The following RNF187 variants were observed in gnomAD, a reference collection of about 807,000 sequenced individuals.
RNF187 encodes the protein ring finger protein 187.
RNF187 carries 18 observed loss-of-function variants against 22.2 expected under a neutral mutation model. The ratio of observed to expected loss-of-function variants is 0.81; its 90% confidence interval spans 0.56 to 1.20. The LOEUF is 1.20. Ranked by LOEUF, RNF187 falls within the 50% of genes most tolerant of loss-of-function variation. RNF187 has a pLI of 0.00. For missense variants in RNF187, 329 were observed against 317.6 expected, an observed-to-expected ratio of 1.04 and a Z score of -0.27; for synonymous variants, 164 against 140.9, an observed-to-expected ratio of 1.16 and a Z score of -1.16.
intron 2 of RNF187, among the ~76,000 whole-genome samples, chr1:228,489,746 T>C: frequency 7.1e-6 from 1 of 140,212 alleles, no homozygotes; most frequent in Non-Finnish European, 1.5e-5. Flanking sequence ...TGTCCTCACA[T>C]GGTGGAAGAA....
At chr1:228,488,063 C>T in intron 1 of RNF187, among the ~76,000 whole-genome samples, 185 bp downstream of exon 1, 1 of 151,034 alleles carries the variant, frequency 6.6e-6, no homozygotes, top group South Asian at 2.1e-4. Context: ...GTGCTGGGCC[C>T]CTCCCTCCTG....
chr1:228,491,452 T>A, intron 2 of RNF187, among the ~76,000 whole-genome samples: 1 of 151,854 alleles, frequency 6.6e-6, no homozygotes, highest in Non-Finnish European at 1.5e-5. Context: ...TAGGATTTTT[T>A]TTTTTTGAGA....
At chr1:228,490,585 G>A in intron 2 of RNF187, among the ~76,000 whole-genome samples, 2 of 152,184 alleles carry the variant, frequency 1.3e-5, no homozygotes, top group Admixed American at 6.5e-5. Flanking sequence ...AGTTTGCAGC[G>A]TGTTGCATCA....
In RNF187 at chr1:228,494,974, G is replaced by A; in HGVS notation, c.*1089G>A. The A allele has an allele frequency of 1.3e-5, 13 of 985,440 alleles. No homozygotes were observed. Among genetic ancestry groups the A allele is most frequent in the Non-Finnish European group, 1.3e-5 (11 of 830,052 alleles). The allele number at this position is 985,440 out of a possible 1,614,324, so 61.0% of individuals were successfully genotyped here. A position where few individuals can be genotyped will look rare whatever the true frequency, so the allele number is the denominator to read the frequency against. The stretch of plus-strand genomic sequence containing the variant: ...GAATAAAGTGGGTTTGTGTCAGCTC[G>A]TTTGCTTCGTCTCCGTGTGTCCACC... On this transcript the variant is annotated 3_prime_UTR_variant, in exon 4 of 4. Transcript: ENST00000305943.
chr1:228,487,550 A>G lies in RNF187; in HGVS notation c.62A>G (p.Glu21Gly). 8.1e-7 allele frequency: 1 copy of G among 1,234,484 alleles called. No individual in the cohort carries two copies. The highest frequency in any genetic ancestry group is 1.0e-6 in the Non-Finnish European group (1 of 978,966). The allele number at this position is 1,234,484 out of a possible 1,614,324, so 76.5% of individuals were successfully genotyped here. A position where few individuals can be genotyped will look rare whatever the true frequency, so the allele number is the denominator to read the frequency against. The change falls in exon 1 of 4, where the codon GAA becomes GGA. Residue 21 changes from glutamate to glycine, a missense_variant. By Grantham distance (98) the Glu-to-Gly change is moderately conservative. Coordinates refer to ENST00000305943, the MANE Select transcript of RNF187 (RefSeq NM_001010858.3). Reference sequence around the variant, plus strand: ...GCCCTGTGCCAGCGCGCGCCCCGGGAACCGGTGCGCGCCGACTGCGGCCAC... The same window carrying G: ...GCCCTGTGCCAGCGCGCGCCCCGGGGACCGGTGCGCGCCGACTGCGGCCAC...
At chr1:228,488,406 C>G in intron 1 of RNF187, 1 of 155,736 alleles carries the variant, frequency 6.4e-6, no homozygotes, top group Non-Finnish European at 1.4e-5. Flanking sequence ...CACCCCCTGT[C>G]CCCTCTCCCA....
intron 2 of RNF187, among the ~76,000 whole-genome samples, chr1:228,491,647 C>T: frequency 2.6e-4 from 40 of 152,128 alleles, no homozygotes; most frequent in African/African-American, 9.6e-4. Context: ...ACCATGTTGG[C>T]CAGGCTGGTC....
In RNF187 at chr1:228,487,585, C is replaced by T. The variant is rs1658864059; in HGVS notation, c.97C>T (p.Arg33Trp). ...CGCCGACTGCGGCCACCGCTTCTGT[C>T]GGGCGTGCGTGGTGCGCTTCTGGGC... Residue 33 changes from arginine (R) to tryptophan (W), a missense_variant, in exon 1 of 4, where the codon CGG becomes TGG. Arg to Trp is a moderately radical substitution (Grantham distance 101, BLOSUM62 -3). Transcript: ENST00000305943. The T allele has an allele frequency of 1.6e-6, 2 of 1,268,398 alleles. No homozygotes were observed. The highest frequency in any genetic ancestry group is 1.0e-6 in the Non-Finnish European group (1 of 993,206). 78.6% of individuals were successfully genotyped at this position (1,268,398 alleles called of 1,614,324 possible).
chr1:228,494,974 G>T lies in RNF187; in HGVS notation c.*1089G>T. 1 of 985,558 alleles carries T rather than the reference G, an allele frequency of 1.0e-6. No individual in the cohort carries two copies. The highest frequency in any genetic ancestry group is 1.2e-6 in the Non-Finnish European group (1 of 830,044). 61.1% of individuals were successfully genotyped at this position (985,558 alleles called of 1,614,324 possible). On this transcript the variant is annotated 3_prime_UTR_variant, in exon 4 of 4. Transcript: ENST00000305943. ...GAATAAAGTGGGTTTGTGTCAGCTC[G>T]TTTGCTTCGTCTCCGTGTGTCCACC...
Position 228,496,012 on chromosome 1 carries a change from C to T in RNF187, c.*2127C>T. Among the ~76,000 whole-genome samples, 7 of 152,190 alleles carry T rather than the reference C, an allele frequency of 4.6e-5. No homozygotes were observed. The highest frequency in any genetic ancestry group is 6.5e-5 in the Admixed American group (1 of 15,282). On this transcript the variant is annotated 3_prime_UTR_variant, in exon 4 of 4. Coordinates refer to ENST00000305943, the MANE Select transcript of RNF187 (RefSeq NM_001010858.3). ...ACAGTCAGATACAGAGGGCCAACTG[C>T]GTACAGTACACGGTTATCAGCTGAA...
Position 228,494,436 on chromosome 1 carries a change from G to A in RNF187, c.*551G>A. 13 of 993,020 alleles carry A rather than the reference G, an allele frequency of 1.3e-5. No individual in the cohort carries two copies. Among genetic ancestry groups the A allele is most frequent in the South Asian group, 4.5e-5 (1 of 22,024 alleles). The allele number at this position is 993,020 out of a possible 1,614,324, so 61.5% of individuals were successfully genotyped here. A position where few individuals can be genotyped will look rare whatever the true frequency, so the allele number is the denominator to read the frequency against. On this transcript the variant is annotated 3_prime_UTR_variant, in exon 4 of 4. Transcript: ENST00000305943. ...AGGCGGCCCCCCTCTTGAGGTGGGC[G>A]TGGGCCCGGCCCAGCCTTATCCAAG...
intron 2 of RNF187, among the ~76,000 whole-genome samples, chr1:228,491,414 G>T: frequency 1.2e-3 from 160 of 129,192 alleles, no homozygotes; most frequent in African/African-American, 2.9e-3. Context: ...AAAAAATAAA[G>T]GGAGATGGGT....
Position 228,492,869 on chromosome 1 carries a change from C to T in RNF187, c.484-184C>T. 9.2e-5 allele frequency among the ~76,000 whole-genome samples: 14 copies of T among 151,514 alleles called. No homozygotes were observed. The South Asian group carries it at 2.3e-3, about 25-fold the overall frequency. On this transcript the variant is annotated intron_variant, in intron 2 of 3. Transcript: ENST00000305943. ...TGAACTCCTGACCTCATGATCCGCC[C>T]GCCTTGGCCTCCTGGAGTGCTGGGA...
At chr1:228,492,695 G>C in intron 2 of RNF187, among the ~76,000 whole-genome samples, 3 of 132,276 alleles carry the variant, frequency 2.3e-5, no homozygotes, top group African/African-American at 8.6e-5. Context: ...GCATGAACTC[G>C]GGCTCACTGC....
Position 228,494,537 on chromosome 1 carries a change from T to A in RNF187, c.*652T>A. The A allele has an allele frequency of 3.0e-6, 3 of 985,508 alleles. No homozygotes were observed. Among genetic ancestry groups the A allele is most frequent in the Non-Finnish European group, 3.6e-6 (3 of 830,334 alleles). The allele number at this position is 985,508 out of a possible 1,614,324, so 61.0% of individuals were successfully genotyped here. ...CCAGGAGCCCTCCCTGTGCTCCACC[T>A]GCCTCCGCAGAAGGAAGCCTCTTTC... is the stretch of plus-strand genomic sequence containing the variant. On this transcript the variant is annotated 3_prime_UTR_variant, in exon 4 of 4. Transcript: ENST00000305943.
In RNF187 at chr1:228,493,947, G is replaced by A; in HGVS notation, c.*62G>A. On this transcript the variant is annotated 3_prime_UTR_variant, in exon 4 of 4. Transcript: ENST00000305943. This position sits in a 1 kb window ranked among gnomAD's most constrained non-coding sequence, Gnocchi z 4.7. ...GGAGGATGGATCCTCATCTCCATGG[G>A]AAGTGTCAGCGTGTGGCTGCCAGGG... The A allele has an allele frequency of 7.7e-6, 12 of 1,551,726 alleles. No individual in the cohort carries two copies. Among genetic ancestry groups the A allele is most frequent in the South Asian group, 5.9e-5 (5 of 84,066 alleles).
Position 228,494,611 on chromosome 1 carries a change from A to C in RNF187, c.*726A>C. On this transcript the variant is annotated 3_prime_UTR_variant, in exon 4 of 4. Coordinates refer to ENST00000305943, the MANE Select transcript of RNF187 (RefSeq NM_001010858.3). ...TGGCAGGTGGCTAACCCCATTTAGC[A>C]TCTCCAGGCCCTGCCATCGTGTCTC... 1.0e-6 allele frequency: 1 copy of C among 985,438 alleles called. No homozygotes were observed. The allele number at this position is 985,438 out of a possible 1,614,324, so 61.0% of individuals were successfully genotyped here.
chr1:228,487,521 C>A lies in RNF187; in HGVS notation c.33C>A (p.Ala11=). Reference sequence around the variant, plus strand: ...TCCCTGCGGGCCCCGCCGAGGCCGCCTGCGCCCTGTGCCAGCGCGCGCCCC... The same window carrying A: ...TCCCTGCGGGCCCCGCCGAGGCCGCATGCGCCCTGTGCCAGCGCGCGCCCC... Residue 11 remains alanine, a synonymous_variant, in exon 1 of 4, where the codon GCC becomes GCA. Coordinates refer to ENST00000305943, the MANE Select transcript of RNF187 (RefSeq NM_001010858.3). 1 of 1,185,676 alleles carries A rather than the reference C, an allele frequency of 8.4e-7. No individual in the cohort carries two copies. The highest frequency in any genetic ancestry group is 1.0e-6 in the Non-Finnish European group (1 of 958,344). The allele number at this position is 1,185,676 out of a possible 1,614,324, so 73.4% of individuals were successfully genotyped here.
At chr1:228,490,714 C>G in intron 2 of RNF187, among the ~76,000 whole-genome samples, 1 of 152,230 alleles carries the variant, frequency 6.6e-6, no homozygotes, top group African/African-American at 2.4e-5. Flanking sequence ...CCATCCATGA[C>G]TGAGTAAAAT....
Sources: gnomAD v4.1 joint callset for allele counts (sites outside exome capture counted in the v4.1 genomes callset) on GRCh38, gnomAD v4.1.1 for gene constraint, Gnocchi (gnomAD v3.1) non-coding constraint, MANE v1.5 for transcripts, NCBI Gene and HGNC (gene_info 2026-07-23, HGNC 2026-07-21) for gene names.